KCND3: variants seen among roughly 807,000 people sequenced by gnomAD.
The protein encoded by KCND3 is A-type voltage-gated potassium channel KCND3.
Under a neutral mutation model 51.1 loss-of-function variants are expected in KCND3, and 9 were observed. The observed-to-expected ratio is 0.18, with a 90% CI of 0.11 to 0.31. KCND3 has a LOEUF of 0.31. Ranked by LOEUF, KCND3 falls within the 10% of genes least tolerant of loss-of-function variation. The pLI is 1.00. For synonymous variants in KCND3, 349 were observed against 368.0 expected (o/e 0.95, Z 0.59); for missense variants, 526 against 903.8 (o/e 0.58, Z 5.36).
intron 2 of KCND3, among the ~76,000 whole-genome samples, chr1:111,953,590 G>A (rs867810704): frequency 6.6e-5 from 10 of 152,372 alleles, no homozygotes; most frequent in African/African-American, 2.4e-4. Flanking sequence ...GCCCAACTGA[G>A]AAGGGAGTTG....
chr1:111,925,477 A>G (rs1671657872), intron 2 of KCND3, among the ~76,000 whole-genome samples: 1 of 152,160 alleles, frequency 6.6e-6, no homozygotes, highest in Non-Finnish European at 1.5e-5. Context: ...TGTCCTTTTA[A>G]AATAGCAGTT....
chr1:111,850,603 G>A (rs917383638), intron 2 of KCND3, among the ~76,000 whole-genome samples: 3 of 152,242 alleles, frequency 2.0e-5, no homozygotes, highest in African/African-American at 7.2e-5. Context: ...CCAGGACAGA[G>A]GCATGAAGCT....
chr1:111,955,251 A>T (rs1673268880), intron 2 of KCND3, among the ~76,000 whole-genome samples: 1 of 152,166 alleles, frequency 6.6e-6, no homozygotes, highest in South Asian at 2.1e-4. Flanking sequence ...TCCAGAAAAT[A>T]AAAAATTAAA....
At chr1:111,929,977 C>T (rs1671885774) in intron 2 of KCND3, among the ~76,000 whole-genome samples, 1 of 152,204 alleles carries the variant, frequency 6.6e-6, no homozygotes, top group African/African-American at 2.4e-5. Flanking sequence ...GCCCATTGTC[C>T]TTTGCTAAAT....
At chr1:111,942,389 C>A (rs116032234) in intron 2 of KCND3, among the ~76,000 whole-genome samples, 584 of 152,310 alleles carry the variant, frequency 3.8e-3, no homozygotes, top group Non-Finnish European at 5.9e-3. Context: ...GGGTGGCTGA[C>A]TGGGGCGCTG....
chr1:111,930,122 C>A (rs772260456), intron 2 of KCND3, among the ~76,000 whole-genome samples: 1 of 151,298 alleles, frequency 6.6e-6, no homozygotes, highest in Non-Finnish European at 1.5e-5. Flanking sequence ...CGGGACAAAG[C>A]GAGGTGATTT....
intron 2 of KCND3, among the ~76,000 whole-genome samples, chr1:111,875,445 AC>A (rs1013771862): frequency 6.6e-5 from 10 of 152,344 alleles, no homozygotes; most frequent in Non-Finnish European, 1.5e-4. Flanking sequence ...CCTTAAAATA[AC>A]TAGGTTGTAG....
intron 2 of KCND3, among the ~76,000 whole-genome samples, chr1:111,844,951 C>T (rs1667481673): frequency 6.6e-6 from 1 of 152,196 alleles, no homozygotes; most frequent in South Asian, 2.1e-4. Context: ...TGTGCTCCTT[C>T]AAGACAAACA....
chr1:111,845,216 C>T (rs1376109121), intron 2 of KCND3, among the ~76,000 whole-genome samples: 1 of 152,166 alleles, frequency 6.6e-6, no homozygotes, highest in African/African-American at 2.4e-5. Flanking sequence ...AACTGCCCCT[C>T]CTGTTGCAAT....
chr1:111,987,650 C>A (rs370336000), intron 1 of KCND3, among the ~76,000 whole-genome samples: 29 of 152,324 alleles, frequency 1.9e-4, no homozygotes, highest in African/African-American at 6.7e-4. Flanking sequence ...GCATTCACCC[C>A]CTGACAGGAG....
intron 6 of KCND3, among the ~76,000 whole-genome samples, chr1:111,777,908 A>G (rs973207483): frequency 1.3e-5 from 2 of 152,184 alleles, no homozygotes; most frequent in Non-Finnish European, 2.9e-5. Flanking sequence ...AAGCATGGGA[A>G]GGGATTGCTA....
chr1:111,974,107 C>T (rs1674492205), intron 2 of KCND3, among the ~76,000 whole-genome samples: 1 of 152,144 alleles, frequency 6.6e-6, no homozygotes, highest in African/African-American at 2.4e-5. Flanking sequence ...TCCCATACAC[C>T]CATCATTTGC....
intron 2 of KCND3, among the ~76,000 whole-genome samples, chr1:111,917,198 G>A (rs183677056): frequency 6.6e-6 from 1 of 152,322 alleles, no homozygotes; most frequent in African/African-American, 2.4e-5. Context: ...AAGAATGCCT[G>A]CTTTGATCAT....
chr1:111,906,388 T>C (rs1257489522), intron 2 of KCND3, among the ~76,000 whole-genome samples: 1 of 152,208 alleles, frequency 6.6e-6, no homozygotes, highest in African/African-American at 2.4e-5. Context: ...ACTGTCCATG[T>C]AAAGTTCCCC....
intron 2 of KCND3, among the ~76,000 whole-genome samples, chr1:111,879,677 G>A (rs1001314966): frequency 2.6e-5 from 4 of 152,214 alleles, no homozygotes; most frequent in Non-Finnish European, 4.4e-5. Context: ...AGCTTCCCTC[G>A]TGACATGTAG....
Position 111,776,046 on chromosome 1 carries a change from A to T in KCND3, c.*31T>A. The T allele has an allele frequency of 6.2e-7, 1 of 1,612,158 alleles. No individual in the cohort carries two copies. Among genetic ancestry groups the T allele is most frequent in the Non-Finnish European group, 8.5e-7 (1 of 1,178,292 alleles). ...AACATGCCAGTCCCCTTCATTCCCCACTACCCACTCTGGCCCTCTGTCCAG... is the reference window on the plus strand; with the variant it reads ...AACATGCCAGTCCCCTTCATTCCCCTCTACCCACTCTGGCCCTCTGTCCAG... On this transcript the variant is annotated 3_prime_UTR_variant, in exon 8 of 8. Coordinates refer to ENST00000302127, the MANE Select transcript of KCND3 (RefSeq NM_001378969.1).
At chr1:111,912,793 C>T (rs72692596) in intron 2 of KCND3, among the ~76,000 whole-genome samples, 37,720 of 151,980 alleles carry the variant, frequency 0.25, 5,090 homozygotes, top group Non-Finnish European at 0.31. Flanking sequence ...ATATAGAGTA[C>T]GGATGTAAAT....
intron 2 of KCND3, among the ~76,000 whole-genome samples, chr1:111,959,592 C>T (rs975739195): frequency 1.3e-5 from 2 of 152,028 alleles, no homozygotes; most frequent in African/African-American, 2.4e-5. Context: ...CTAGGGCCAG[C>T]GAGGGCAGTA....
At chr1:111,917,343 C>A (rs1402479950) in intron 2 of KCND3, among the ~76,000 whole-genome samples, 2 of 152,212 alleles carry the variant, frequency 1.3e-5, no homozygotes, top group African/African-American at 4.8e-5. Flanking sequence ...AAAAGTACCC[C>A]ACTTCCTAGG....
Sources: gnomAD v4.1 joint callset for allele counts (sites outside exome capture counted in the v4.1 genomes callset) on GRCh38, gnomAD v4.1.1 for gene constraint, MANE v1.5 for transcripts, NCBI Gene and HGNC (gene_info 2026-07-23, HGNC 2026-07-21) for gene names.